The following EYS variants were observed in gnomAD, a reference collection of about 807,000 sequenced individuals.
The protein encoded by EYS is EGF-like photoreceptor maintenance factor.
Under a neutral mutation model 282.1 loss-of-function variants are expected in EYS, and 250 were observed. That is an observed-to-expected ratio of 0.89 (90% CI 0.80 to 0.98). EYS has a LOEUF of 0.98. Ranked by LOEUF, EYS falls within the 50% of genes least tolerant of loss-of-function variation. EYS has a pLI of 0.00. For synonymous variants in EYS, 1,355 were observed against 1,282.9 expected (o/e 1.06, Z -1.20); for missense variants, 4,016 against 3,709.0 (o/e 1.08, Z -2.15).
chr6:64,697,817 C>A (rs1196173835), intron 22 of EYS, among the ~76,000 whole-genome samples: 1 of 152,220 alleles, frequency 6.6e-6, no homozygotes, highest in African/African-American at 2.4e-5. Flanking sequence ...TGGCACGCAC[C>A]TGTAGTCCCA....
At chr6:64,302,113 A>G (rs1303024827) in intron 30 of EYS, among the ~76,000 whole-genome samples, 1 of 152,198 alleles carries the variant, frequency 6.6e-6, no homozygotes, top group Non-Finnish European at 1.5e-5. Context: ...ATTCGAGCCC[A>G]CAGCTCACTG....
At chr6:64,686,749 A>ATATATATATATGTGTG (rs1562133615) in intron 22 of EYS, among the ~76,000 whole-genome samples, 1 of 27,416 alleles carries the variant, frequency 3.6e-5, no homozygotes, top group African/African-American at 8.5e-5. Flanking sequence ...CTAAATATAT[A>ATATATATATATGTGTG]TATATATATA....
chr6:65,566,790 T>C (rs1289443410), intron 2 of EYS, among the ~76,000 whole-genome samples: 1 of 152,172 alleles, frequency 6.6e-6, no homozygotes, highest in Admixed American at 6.6e-5. Flanking sequence ...CCTTCTTCTC[T>C]AGGTTTATAT....
chr6:64,477,364 A>G (rs1776305578), intron 26 of EYS, among the ~76,000 whole-genome samples: 2 of 152,088 alleles, frequency 1.3e-5, no homozygotes, highest in Non-Finnish European at 2.9e-5. Context: ...ATCACCTTGT[A>G]GTGTTATTTA....
intron 22 of EYS, among the ~76,000 whole-genome samples, chr6:64,661,548 A>G (rs1187013774): frequency 2.0e-5 from 3 of 152,166 alleles, no homozygotes; most frequent in Non-Finnish European, 4.4e-5. Context: ...CAAGAAAAAA[A>G]CAACCCCATC....
intron 22 of EYS, among the ~76,000 whole-genome samples, chr6:64,654,593 TA>T (rs1437939721): frequency 6.6e-6 from 1 of 152,180 alleles, no homozygotes; most frequent in East Asian, 1.9e-4. Flanking sequence ...ATAGAATGAT[TA>T]AAAATAGAAC....
intron 7 of EYS, among the ~76,000 whole-genome samples, chr6:65,397,714 A>G (rs1407922289): frequency 6.6e-6 from 1 of 151,852 alleles, no homozygotes; most frequent in African/African-American, 2.4e-5. Context: ...ACTGTGATAA[A>G]CATATGAGTG....
chr6:65,111,844 T>C (rs1775222257), intron 12 of EYS, among the ~76,000 whole-genome samples: 1 of 152,092 alleles, frequency 6.6e-6, no homozygotes, highest in East Asian at 1.9e-4. Context: ...AGGACTCTAT[T>C]TCCCCCCACC....
intron 1 of EYS, among the ~76,000 whole-genome samples, chr6:65,646,316 G>A (rs953139089): frequency 2.6e-5 from 4 of 152,058 alleles, no homozygotes; most frequent in Non-Finnish European, 4.4e-5. Flanking sequence ...ATATTAAAAA[G>A]ATAATCCACT....
intron 2 of EYS, among the ~76,000 whole-genome samples, chr6:65,612,731 T>C (rs1176132812): frequency 1.3e-5 from 2 of 151,268 alleles, no homozygotes; most frequent in African/African-American, 2.4e-5. Flanking sequence ...TTTTATAGAA[T>C]GTTATTAATC....
intron 12 of EYS, among the ~76,000 whole-genome samples, chr6:65,163,206 C>A (rs1764892946): frequency 6.6e-6 from 1 of 151,162 alleles, no homozygotes; most frequent in South Asian, 2.1e-4. Context: ...ACTTTAACTA[C>A]TTTTATTCTC....
At chr6:65,217,497 T>G (rs1172586221) in intron 12 of EYS, among the ~76,000 whole-genome samples, 1 of 152,076 alleles carries the variant, frequency 6.6e-6, no homozygotes, top group Non-Finnish European at 1.5e-5. Flanking sequence ...TGTCAAACAC[T>G]CTTCTAGTTG....
intron 22 of EYS, among the ~76,000 whole-genome samples, chr6:64,775,013 G>A (rs1773636171): frequency 6.6e-6 from 1 of 151,978 alleles, no homozygotes; most frequent in Non-Finnish European, 1.5e-5. Context: ...TAAATAGCCT[G>A]TAAATAGGGA....
At chr6:64,687,681 C>CT (rs1053764706) in intron 22 of EYS, among the ~76,000 whole-genome samples, 10 of 152,100 alleles carry the variant, frequency 6.6e-5, no homozygotes, top group African/African-American at 2.2e-4. Context: ...CTAAAATTCT[C>CT]TTTTTTTGTT....
chr6:64,838,037 TATATATAACCAA>T (rs879411396), intron 19 of EYS, among the ~76,000 whole-genome samples: 8,808 of 151,854 alleles, frequency 0.058, 266 homozygotes, highest in East Asian at 0.1. Context: ...TTGTGTGCTT[TATATATAACCAA>T]TTTGTTTTAA....
intron 1 of EYS, among the ~76,000 whole-genome samples, chr6:65,675,771 G>A (rs1562322375): frequency 6.6e-6 from 1 of 151,840 alleles, no homozygotes; most frequent in East Asian, 1.9e-4. Flanking sequence ...CATAGAATCA[G>A]TCTACACAAA....
chr6:64,813,536 C>T lies in EYS; in HGVS notation c.3285G>A (p.Gln1095=), dbSNP rs1367024770. 1.1e-5 allele frequency: 17 copies of T among 1,550,168 alleles called. No individual in the cohort carries two copies. Among genetic ancestry groups the T allele is most frequent in the Non-Finnish European group, 1.4e-5 (16 of 1,145,960 alleles). The change falls in exon 22 of 43, where the codon CAG becomes CAA. Residue 1095 remains glutamine (Q), a synonymous_variant. Transcript: ENST00000503581. ...TGCAAGTAAATCCATGTGCTGACTTCTGACAGAAGCCTTCATTCATACAAG... is the reference window on the plus strand; with the variant it reads ...TGCAAGTAAATCCATGTGCTGACTTTTGACAGAAGCCTTCATTCATACAAG... ...SIPCMNEGFC[Q]KSAHGFTCIC...
intron 36 of EYS, among the ~76,000 whole-genome samples, chr6:63,840,493 C>T (rs1050754617): frequency 2.0e-5 from 3 of 151,974 alleles, no homozygotes; most frequent in Non-Finnish European, 4.4e-5. Flanking sequence ...GTCGTCATTT[C>T]ACTCTGTTGA....
chr6:64,552,604 TAATTGCCA>T (rs1334063669), intron 26 of EYS, among the ~76,000 whole-genome samples: 2 of 152,138 alleles, frequency 1.3e-5, no homozygotes, highest in Non-Finnish European at 2.9e-5. Flanking sequence ...CTCTTTCAAC[TAATTGCCA>T]ATTAGAAAAT....
Sources: gnomAD v4.1 joint callset for allele counts (sites outside exome capture counted in the v4.1 genomes callset) on GRCh38, gnomAD v4.1.1 for gene constraint, MANE v1.5 for transcripts, NCBI Gene and HGNC (gene_info 2026-07-23, HGNC 2026-07-21) for gene names.